PLXNC1: variants seen among roughly 807,000 people sequenced by gnomAD.
PLXNC1 encodes plexin-C1.
PLXNC1 carries 75 observed loss-of-function variants against 178.2 expected under a neutral mutation model. That is an observed-to-expected ratio of 0.42 (90% CI 0.35 to 0.51). PLXNC1 has a LOEUF of 0.51. PLXNC1 is among the 20% of genes least tolerant of loss of function. The pLI, the probability that PLXNC1 is intolerant of heterozygous loss-of-function variation, is 0.02. For synonymous variants in PLXNC1, 790 were observed against 779.9 expected, an observed-to-expected ratio of 1.01 and a Z score of -0.22; for missense variants, 1,503 against 1,984.4, an observed-to-expected ratio of 0.76 and a Z score of 4.61.
intron 1 of PLXNC1, among the ~76,000 whole-genome samples, chr12:94,152,052 C>T (rs1411971447): frequency 1.3e-5 from 2 of 152,218 alleles, no homozygotes. Context: ...TTATCAAGAA[C>T]TCCCAGTGTG....
chr12:94,264,484 G>A (rs908384605), intron 20 of PLXNC1, among the ~76,000 whole-genome samples: 2 of 152,252 alleles, frequency 1.3e-5, no homozygotes, highest in Non-Finnish European at 2.9e-5. Flanking sequence ...GGACTGTGCA[G>A]TGTGTGTCTG....
chr12:94,260,938 G>C lies in PLXNC1; in HGVS notation c.3450+98G>C. On this transcript the variant is annotated intron_variant, in intron 20 of 30. Coordinates refer to ENST00000258526, the MANE Select transcript of PLXNC1 (RefSeq NM_005761.3). The surrounding 1 kb of genome is among the most constrained non-coding windows in gnomAD (Gnocchi z 4.4). ...TTGCCAGGATAAATCCTGAATGCTC[G>C]ATGGTGTCAGCACTTAACCATGTTT... 1.0e-6 allele frequency: 1 copy of C among 979,580 alleles called. No individual in the cohort carries two copies. Among genetic ancestry groups the C allele is most frequent in the Non-Finnish European group, 1.6e-6 (1 of 629,338 alleles). 60.7% of individuals were successfully genotyped at this position (979,580 alleles called of 1,614,324 possible).
chr12:94,296,178 T>C (rs1967902900), intron 24 of PLXNC1, among the ~76,000 whole-genome samples: 1 of 152,172 alleles, frequency 6.6e-6, no homozygotes, highest in Non-Finnish European at 1.5e-5. Context: ...CATCTTTATT[T>C]TTAAGACAGT....
intron 1 of PLXNC1, among the ~76,000 whole-genome samples, chr12:94,157,563 G>T (rs1274960191): frequency 6.6e-6 from 1 of 152,112 alleles, no homozygotes; most frequent in East Asian, 1.9e-4. Flanking sequence ...ATTTTTACAT[G>T]ATCACAAAAA....
intron 4 of PLXNC1, among the ~76,000 whole-genome samples, chr12:94,187,996 C>T (rs144465960): frequency 6.6e-6 from 1 of 151,862 alleles, no homozygotes; most frequent in East Asian, 1.9e-4. Context: ...AAGGAGGGAG[C>T]AGTCAGAAGG....
intron 14 of PLXNC1, among the ~76,000 whole-genome samples, chr12:94,248,636 G>T (rs139478599): frequency 6.6e-6 from 1 of 152,332 alleles, no homozygotes; most frequent in African/African-American, 2.4e-5. Flanking sequence ...ACACACCATT[G>T]TCTATAATCC....
intron 17 of PLXNC1, chr12:94,256,235 G>A (rs886625252): frequency 1.4e-4 from 22 of 152,184 alleles, no homozygotes; most frequent in East Asian, 1.9e-4. Flanking sequence ...AAGCTTCTCC[G>A]GAACAATTGG....
chr12:94,267,701 G>A (rs981935712), intron 21 of PLXNC1, among the ~76,000 whole-genome samples: 1 of 152,178 alleles, frequency 6.6e-6, no homozygotes, highest in African/African-American at 2.4e-5. Context: ...CTGCAGAGAA[G>A]GCACATGATC....
chr12:94,302,499 A>T (rs1455274130), intron 28 of PLXNC1, among the ~76,000 whole-genome samples: 1 of 152,210 alleles, frequency 6.6e-6, no homozygotes, highest in Non-Finnish European at 1.5e-5. Flanking sequence ...TCTTCATTTG[A>T]CTAATAAAGT....
intron 5 of PLXNC1, among the ~76,000 whole-genome samples, chr12:94,215,938 A>G (rs73364683): frequency 0.02 from 3,079 of 152,266 alleles, 119 homozygotes; most frequent in African/African-American, 0.071. Flanking sequence ...CAAAAGAAAA[A>G]TATTCATATA....
intron 23 of PLXNC1, among the ~76,000 whole-genome samples, chr12:94,290,457 T>C (rs1160468042): frequency 1.3e-5 from 2 of 152,244 alleles, no homozygotes; most frequent in African/African-American, 4.8e-5. Flanking sequence ...GAGTTAAGAA[T>C]CCCTGCTGGA....
At chr12:94,256,244 G>C (rs1357976226) in intron 17 of PLXNC1, 1 of 152,154 alleles carries the variant, frequency 6.6e-6, no homozygotes, top group African/African-American at 2.4e-5. Context: ...CGGAACAATT[G>C]GCCAGAAGCC....
chr12:94,297,191 G>A lies in PLXNC1; in HGVS notation c.3937G>A (p.Val1313Met), dbSNP rs1222290205. 1 of 1,613,840 alleles carries A rather than the reference G, an allele frequency of 6.2e-7. No homozygotes were observed. Among genetic ancestry groups the A allele is most frequent in the East Asian group, 2.2e-5 (1 of 44,890 alleles). Residue 1313 changes from valine (V) to methionine (M), a missense_variant and splice_region_variant, in exon 25 of 31, where the codon GTG becomes ATG. Around this residue, in one of 4 missense-constraint regions of PLXNC1, gnomAD observed 639 missense variants for 979.7 expected, o/e 0.65. Coordinates refer to ENST00000258526, the MANE Select transcript of PLXNC1 (RefSeq NM_005761.3). ...CTCCCTCTTTCTCTGGCATTCAGAT[G>A]TGGAGTACTCGGATGACCACTGCCA... ...FKKIANFTSD[V>M]EYSDDHCHLI...
At chr12:94,259,899 CAA>C (rs67260160) in intron 19 of PLXNC1, among the ~76,000 whole-genome samples, 165 bp downstream of exon 19, 260 of 114,160 alleles carry the variant, frequency 2.3e-3, no homozygotes, top group African/African-American at 6.3e-3. Context: ...CTTGTCTCTA[CAA>C]AAAAAAAAAA....
chr12:94,172,212 TAGG>T (rs1486760073), intron 2 of PLXNC1, among the ~76,000 whole-genome samples: 1 of 151,852 alleles, frequency 6.6e-6, no homozygotes, highest in Non-Finnish European at 1.5e-5. Context: ...ACGCAGACAG[TAGG>T]AGGAGGAGAA....
At chr12:94,161,675 A>G (rs1399526614) in intron 1 of PLXNC1, among the ~76,000 whole-genome samples, 2 of 152,214 alleles carry the variant, frequency 1.3e-5, no homozygotes, top group East Asian at 3.8e-4. Flanking sequence ...TTGACTGTTC[A>G]TGGACTGAGA....
chr12:94,301,888 C>T (rs1362707003), intron 28 of PLXNC1, among the ~76,000 whole-genome samples: 1 of 152,170 alleles, frequency 6.6e-6, no homozygotes, highest in Non-Finnish European at 1.5e-5. Context: ...TCCTTCCAAC[C>T]TCTATCCCCA....
chr12:94,156,441 G>A (rs562312649), intron 1 of PLXNC1, among the ~76,000 whole-genome samples: 2 of 150,026 alleles, frequency 1.3e-5, no homozygotes, highest in Admixed American at 6.6e-5. Flanking sequence ...TCCCACCTGA[G>A]TATGCCTCAG....
At chr12:94,166,788 G>A (rs1345854460) in intron 1 of PLXNC1, among the ~76,000 whole-genome samples, 1 of 150,434 alleles carries the variant, frequency 6.6e-6, no homozygotes, top group Non-Finnish European at 1.5e-5. Flanking sequence ...TTTTTTTAAG[G>A]TAAGGTCTCA....
Sources: allele counts gnomAD v4.1 joint callset (sites outside exome capture counted in the v4.1 genomes callset), GRCh38; gene constraint gnomAD v4.1.1; regional missense constraint gnomAD v4.1.1; non-coding constraint Gnocchi (gnomAD v3.1); transcripts MANE v1.5; gene names NCBI Gene and HGNC (gene_info 2026-07-23, HGNC 2026-07-21).